Variants in BCLAF1 observed in about 807,000 individuals in gnomAD.
BCLAF1 encodes BCL2 associated transcription factor 1, also known as bcl-2-associated transcription factor 1.
In BCLAF1, 10 loss-of-function variants were observed where a neutral mutation model predicts 99.5. That is an observed-to-expected ratio of 0.10 (90% CI 0.06 to 0.17). BCLAF1 has a LOEUF of 0.17. Among genes scored for constraint, BCLAF1 ranks in the 10% least tolerant of loss-of-function variants. The pLI, the probability that BCLAF1 is intolerant of heterozygous loss-of-function variation, is 1.00. For missense variants in BCLAF1, 636 were observed against 1,105.8 expected (o/e 0.58, Z 6.02); for synonymous variants, 255 against 370.9 (o/e 0.69, Z 3.59).
Position 136,279,772 on chromosome 6 carries a change from T to A in BCLAF1, c.95A>T (p.Lys32Met). The change falls in exon 3 of 13, where the codon AAG (lysine) becomes ATG (methionine). Residue 32 changes from lysine (K) to methionine (M), a missense_variant. By Grantham distance (95) the Lys-to-Met change is moderately conservative. Around this residue, in one of 9 missense-constraint regions of BCLAF1, gnomAD observed 81 missense variants for 132.5 expected, o/e 0.61. Transcript: ENST00000531224. Reference sequence around the variant, plus strand: ...AAGCACATTAAATCACCTGTATCGCTTCTTTCTAGAATGAGATCTTGATCT... The same window carrying A: ...AAGCACATTAAATCACCTGTATCGCATCTTTCTAGAATGAGATCTTGATCT... The part of the protein sequence containing the change: ...RSRSRSHSRK[K>M]RYSSRSRSRT... 6.4e-7 allele frequency: 1 copy of A among 1,569,820 alleles called. No homozygotes were observed. The highest frequency in any genetic ancestry group is 2.3e-5 in the East Asian group (1 of 44,068).
In BCLAF1 at chr6:136,256,655, G is replaced by A. The variant is rs543274456; in HGVS notation, c.*4455C>T. ...CTCGAGCCACTGCACTCTAGTCTGG[G>A]TAAGACTCCATCTCAATAAATAAAT... On this transcript the variant is annotated 3_prime_UTR_variant, in exon 13 of 13. Coordinates refer to ENST00000531224, the MANE Select transcript of BCLAF1 (RefSeq NM_014739.3). 1 of 153,172 alleles carries A rather than the reference G, an allele frequency of 6.5e-6. No individual in the cohort carries two copies. Among genetic ancestry groups the A allele is most frequent in the South Asian group, 2.1e-4 (1 of 4,728 alleles). The allele number at this position is 153,172 out of a possible 1,614,324, so 9.5% of individuals were successfully genotyped here. A position where few individuals can be genotyped will look rare whatever the true frequency, so the allele number is the denominator to read the frequency against.
At chr6:136,272,897 G>A (rs1156275979) in intron 7 of BCLAF1, among the ~76,000 whole-genome samples, 185 bp downstream of exon 7, 1 of 151,858 alleles carries the variant, frequency 6.6e-6, no homozygotes, top group Non-Finnish European at 1.5e-5. Flanking sequence ...CTAACAACCA[G>A]TTTCAACTAA....
intron 11 of BCLAF1, among the ~76,000 whole-genome samples, chr6:136,265,851 A>G (rs909760680): frequency 1.5e-4 from 23 of 152,174 alleles, no homozygotes; most frequent in Admixed American, 1.0e-3. Context: ...CAAAAATTAG[A>G]ATCACATCCT....
At chr6:136,285,445 G>C (rs761972924) in intron 1 of BCLAF1, among the ~76,000 whole-genome samples, 3 of 152,132 alleles carry the variant, frequency 2.0e-5, no homozygotes, top group African/African-American at 4.8e-5. Flanking sequence ...GAGTGTAAAT[G>C]GTTAATCCAA....
At chr6:136,284,680 A>T (rs1422430873) in intron 1 of BCLAF1, among the ~76,000 whole-genome samples, 6 of 152,222 alleles carry the variant, frequency 3.9e-5, no homozygotes, top group Admixed American at 6.5e-5. Flanking sequence ...AGATAACTTG[A>T]GATAAGTGCC....
Position 136,262,692 on chromosome 6 carries a change from G to A in BCLAF1, c.2545-1215C>T, listed in dbSNP as rs143583924. ...CTATCAAAAGTGTAAATTTAAATAC[G>A]GCAGAGTTTATTACAAACCCAAAAT... On this transcript the variant is annotated intron_variant, in intron 11 of 12. Coordinates refer to ENST00000531224, the MANE Select transcript of BCLAF1 (RefSeq NM_014739.3). Among the ~76,000 whole-genome samples the A allele has an allele frequency of 5.7e-3, 863 of 152,124 alleles. 2 individuals carry two copies. The highest frequency in any genetic ancestry group is 7.1e-3 in the Non-Finnish European group (484 of 67,990).
chr6:136,285,292 T>C (rs745731919), intron 1 of BCLAF1, among the ~76,000 whole-genome samples: 9 of 152,182 alleles, frequency 5.9e-5, no homozygotes, highest in African/African-American at 9.6e-5. Flanking sequence ...AATGGATTGT[T>C]AGGGGTGTGA....
chr6:136,269,589 G>C lies in BCLAF1; in HGVS notation c.2067C>G (p.Asp689Glu), dbSNP rs974576408. 4.9e-5 allele frequency: 78 copies of C among 1,599,404 alleles called. No individual in the cohort carries two copies. Among genetic ancestry groups the C allele is most frequent in the Non-Finnish European group, 6.6e-5 (77 of 1,175,564 alleles). Residue 689 changes from aspartate (D) to glutamate (E), a missense_variant, in exon 9 of 13, where the codon GAC becomes GAG. Physicochemically the swap from Asp to Glu is conservative, Grantham distance 45. Coordinates refer to ENST00000531224, the MANE Select transcript of BCLAF1 (RefSeq NM_014739.3). ...NQKGDKKLRC[D>E]SADLRHDIDR... ...CAATGTCATGCCGAAGGTCAGCAGA[G>C]TCACACCTTAATTTTTTATCTCCCT...
At chr6:136,288,384 C>A (rs1030494353) in intron 1 of BCLAF1, among the ~76,000 whole-genome samples, 3 of 152,178 alleles carry the variant, frequency 2.0e-5, no homozygotes, top group Non-Finnish European at 4.4e-5. Context: ...AATTACCTAT[C>A]CTGAATTGGT....
At chr6:136,262,840 T>C (rs959524567) in intron 11 of BCLAF1, among the ~76,000 whole-genome samples, 8 of 152,146 alleles carry the variant, frequency 5.3e-5, no homozygotes, top group Non-Finnish European at 1.2e-4. Flanking sequence ...TTTTACACAA[T>C]ACACCATGGA....
chr6:136,273,035 T>C, intron 7 of BCLAF1, 47 bp downstream of exon 7: 1 of 1,420,258 alleles, frequency 7.0e-7, no homozygotes, highest in Non-Finnish European at 9.8e-7. Context: ...AACAGTGTCT[T>C]CCTATCAAAA....
In BCLAF1 at chr6:136,276,396, C is replaced by A. The variant is rs755260641; in HGVS notation, c.1129G>T (p.Asp377Tyr). Residue 377 changes from aspartate to tyrosine, a missense_variant, in exon 5 of 13, where the codon GAT becomes TAT. Transcript: ENST00000531224. ...EKGRAEGEWEDQEALDYFSDK... is the reference protein window; with the variant it reads ...EKGRAEGEWEYQEALDYFSDK... ...CTGAAGTAATCTAGAGCTTCCTGAT[C>A]TTCCCATTCTCCCTCTGCCCTCCCT... 32 of 1,574,134 alleles carry A rather than the reference C, an allele frequency of 2.0e-5. No individual in the cohort carries two copies. In the East Asian group the frequency reaches 6.9e-4, roughly 34 times the overall value.
intron 11 of BCLAF1, among the ~76,000 whole-genome samples, chr6:136,261,952 T>TATAAAGTATAC (rs1283636084): frequency 6.6e-6 from 1 of 152,138 alleles, no homozygotes; most frequent in African/African-American, 2.4e-5. Flanking sequence ...ATACTTTACA[T>TATAAAGTATAC]ATAAAAGTAG....
At chr6:136,282,771 TAAACTCTAATA>T (rs1784550604) in intron 1 of BCLAF1, 84 bp from the exon 2 acceptor site, 1 of 152,172 alleles carries the variant, frequency 6.6e-6, no homozygotes, top group Non-Finnish European at 1.5e-5. Context: ...GGCACTGCCA[TAAACTCTAATA>T]AACGCACTTA....
At chr6:136,273,377 T>C in intron 6 of BCLAF1, 190 bp from the exon 7 acceptor site, 2 of 535,870 alleles carry the variant, frequency 3.7e-6, no homozygotes, top group South Asian at 4.6e-5. Flanking sequence ...TTTCGAAAGT[T>C]GCTCACAGGT....
chr6:136,288,419 C>A (rs1422704093), intron 1 of BCLAF1, among the ~76,000 whole-genome samples: 2 of 152,306 alleles, frequency 1.3e-5, no homozygotes, highest in Non-Finnish European at 2.9e-5. Context: ...AATACAAAAG[C>A]CTTGTAGCAG....
At chr6:136,271,901 T>A in intron 8 of BCLAF1, 94 bp downstream of exon 8, 1 of 827,124 alleles carries the variant, frequency 1.2e-6, no homozygotes, top group South Asian at 1.6e-5. Flanking sequence ...GTAGAAGATA[T>A]CTATAGACAT....
chr6:136,263,376 C>G (rs1278813868), intron 11 of BCLAF1, among the ~76,000 whole-genome samples: 2 of 152,158 alleles, frequency 1.3e-5, no homozygotes, highest in Non-Finnish European at 2.9e-5. Context: ...ATACAATCAT[C>G]TGAAACTTGG....
At position 136,276,191 on chromosome 6, in the gene BCLAF1, T is replaced by C. The variant is rs1783341927; in HGVS notation, c.1334A>G (p.Lys445Arg). 1 of 1,611,852 alleles carries C rather than the reference T, an allele frequency of 6.2e-7. No individual in the cohort carries two copies. The highest frequency in any genetic ancestry group is 1.1e-5 in the South Asian group (1 of 90,792). Residue 445 changes from lysine (K) to arginine (R), a missense_variant, in exon 5 of 13, where the codon AAA becomes AGA. This residue lies in a region of BCLAF1 where 186 missense variants were observed against 275.3 expected (regional missense o/e 0.68). Transcript: ENST00000531224. ...GLKYKSKVSL[K>R]GNRESDGFRE... The stretch of plus-strand genomic sequence containing the variant: ...AAATCCATCACTTTCTCTATTGCCT[T>C]TCAGTGAAACTTTGGACTTGTACTT...
Sources: allele counts gnomAD v4.1 joint callset (sites outside exome capture counted in the v4.1 genomes callset), GRCh38; gene constraint gnomAD v4.1.1; regional missense constraint gnomAD v4.1.1; transcripts MANE v1.5; gene names NCBI Gene and HGNC (gene_info 2026-07-23, HGNC 2026-07-21).